Variants in COLEC12 observed in about 807,000 individuals in gnomAD.
The protein encoded by COLEC12 is collectin-12.
COLEC12 carries 33 observed loss-of-function variants against 71.1 expected under a neutral mutation model. The ratio of observed to expected loss-of-function variants is 0.46; its 90% CI spans 0.35 to 0.62. COLEC12 has a LOEUF of 0.62. Among genes scored for constraint, COLEC12 ranks in the 20% least tolerant of loss-of-function variants. The probability of loss-of-function intolerance (pLI) is 0.00; values close to 1 mark genes in which losing one functional copy is unlikely to be tolerated. For synonymous variants in COLEC12, 350 were observed against 353.0 expected (o/e 0.99, Z 0.10); for missense variants, 765 against 916.1 (o/e 0.84, Z 2.13).
chr18:442,683 C>T (rs770848976), intron 2 of COLEC12, among the ~76,000 whole-genome samples: 7 of 152,366 alleles, frequency 4.6e-5, no homozygotes, highest in African/African-American at 7.2e-5. Flanking sequence ...GCAAGTCAGC[C>T]GGGCGCAGTG....
intron 4 of COLEC12, 89 bp from the exon 5 acceptor site, chr18:347,430 G>T: frequency 1.8e-6 from 2 of 1,081,916 alleles, no homozygotes; most frequent in Non-Finnish European, 2.7e-6. Context: ...TAATCGGTAT[G>T]CACTGTATTT....
intron 2 of COLEC12, among the ~76,000 whole-genome samples, chr18:442,214 A>T (rs1916556954): frequency 6.6e-6 from 1 of 152,208 alleles, no homozygotes; most frequent in African/African-American, 2.4e-5. Flanking sequence ...AATAAAGGCT[A>T]CTGTGGCTCT....
chr18:418,855 C>T (rs941075406), intron 2 of COLEC12, among the ~76,000 whole-genome samples: 1 of 152,142 alleles, frequency 6.6e-6, no homozygotes, highest in African/African-American at 2.4e-5. Context: ...ATGCAGTAGC[C>T]ATTCTTTCAT....
At chr18:332,898 C>CCTAGTCACATGCCTCCAT in intron 7 of COLEC12, 109 bp downstream of exon 7, 1 of 996,234 alleles carries the variant, frequency 1.0e-6, no homozygotes, top group Admixed American at 2.7e-5. Flanking sequence ...CCCATGTTTA[C>CCTAGTCACATGCCTCCAT]GTGACTAGGA....
At chr18:413,085 G>T (rs1253780680) in intron 2 of COLEC12, among the ~76,000 whole-genome samples, 1 of 152,164 alleles carries the variant, frequency 6.6e-6, no homozygotes, top group Non-Finnish European at 1.5e-5. Context: ...ATACAGGAAG[G>T]TTGAAAGTAA....
intron 6 of COLEC12, 89 bp from the exon 7 acceptor site, chr18:333,232 G>T (rs1310574613): frequency 1.3e-5 from 14 of 1,115,454 alleles, no homozygotes; most frequent in Middle Eastern, 2.0e-4. Context: ...CCAAAACTGT[G>T]GTCCCGCTGG....
chr18:441,002 A>G (rs1390118439), intron 2 of COLEC12, among the ~76,000 whole-genome samples: 1 of 151,638 alleles, frequency 6.6e-6, no homozygotes, highest in Non-Finnish European at 1.5e-5. Context: ...TAATCCCAGC[A>G]CTTTGGGAGG....
intron 1 of COLEC12, among the ~76,000 whole-genome samples, chr18:486,638 G>A (rs1917523580): frequency 6.6e-6 from 1 of 152,218 alleles, no homozygotes; most frequent in South Asian, 2.1e-4. Context: ...GATGGTGACT[G>A]ACCCGTACAC....
At chr18:443,109 T>C (rs1916577528) in intron 2 of COLEC12, among the ~76,000 whole-genome samples, 1 of 152,268 alleles carries the variant, frequency 6.6e-6, no homozygotes, top group Non-Finnish European at 1.5e-5. Flanking sequence ...TCTATACATA[T>C]ATTAGTTAAT....
At chr18:351,709 AG>A in intron 3 of COLEC12, among the ~76,000 whole-genome samples, 1 of 152,276 alleles carries the variant, frequency 6.6e-6, no homozygotes, top group Non-Finnish European at 1.5e-5. Flanking sequence ...CTGGGATTAC[AG>A]GAGCCTGTTA....
chr18:353,593 C>T (rs1914568194), intron 3 of COLEC12, among the ~76,000 whole-genome samples: 1 of 152,228 alleles, frequency 6.6e-6, no homozygotes, highest in South Asian at 2.1e-4. Flanking sequence ...TACCAAGTAT[C>T]TGCCATGTAG....
Position 500,403 on chromosome 18 carries a change from C to T in COLEC12, c.7+105G>A, listed in dbSNP as rs924334005. The T allele has an allele frequency of 3.2e-5, 26 of 809,892 alleles. No individual in the cohort carries two copies. Among genetic ancestry groups the T allele is most frequent in the Non-Finnish European group, 4.3e-5 (26 of 611,486 alleles). The allele number at this position is 809,892 out of a possible 1,614,324, so 50.2% of individuals were successfully genotyped here. On this transcript the variant is annotated intron_variant, in intron 1 of 9. Coordinates refer to ENST00000400256, the MANE Select transcript of COLEC12 (RefSeq NM_130386.3). The surrounding 1 kb of genome is among the most constrained non-coding windows in gnomAD (Gnocchi z 5.3). The stretch of plus-strand genomic sequence containing the variant: ...CCTGGCAGCCCCGACTCCCCGGGCC[C>T]GCAGCCCAAGGGAAGGTTCGCGCGG...
At chr18:360,231 G>A (rs1055020777) in intron 2 of COLEC12, among the ~76,000 whole-genome samples, 10 of 149,962 alleles carry the variant, frequency 6.7e-5, no homozygotes, top group African/African-American at 2.5e-4. Flanking sequence ...TGCCCAGGCT[G>A]GAGTGCAGTG....
chr18:483,643 T>C (rs1479414694), intron 1 of COLEC12, among the ~76,000 whole-genome samples: 1 of 152,202 alleles, frequency 6.6e-6, no homozygotes, highest in African/African-American at 2.4e-5. Context: ...TCTTTTTCTC[T>C]GATTCAGTGA....
chr18:473,489 G>A (rs1296356735), intron 2 of COLEC12, among the ~76,000 whole-genome samples: 2 of 110,124 alleles, frequency 1.8e-5, no homozygotes, highest in Non-Finnish European at 3.9e-5. Context: ...CAGCCTCCCC[G>A]AGAAGCTGGG....
rs370014077 is a variant in COLEC12 at position 459,456 on chromosome 18, G to C, written c.58+21251C>G. On this transcript the variant is annotated intron_variant, in intron 2 of 9. Coordinates refer to ENST00000400256, the MANE Select transcript of COLEC12 (RefSeq NM_130386.3). ...TGCACAATGTCTGGCACACAGGTAA[G>C]GAATGGATTTATAAGTGACACTGTA... 9.2e-5 allele frequency among the ~76,000 whole-genome samples: 14 copies of C among 152,318 alleles called. No individual in the cohort carries two copies. The South Asian group carries it at 2.9e-3, about 32-fold the overall frequency.
chr18:381,718 G>T (rs1430727634), intron 2 of COLEC12, among the ~76,000 whole-genome samples: 1 of 152,172 alleles, frequency 6.6e-6, no homozygotes, highest in East Asian at 1.9e-4. Context: ...AGGAAAAAAT[G>T]GAAACTTTTA....
At chr18:469,818 T>C (rs1307134847) in intron 2 of COLEC12, among the ~76,000 whole-genome samples, 1 of 152,206 alleles carries the variant, frequency 6.6e-6, no homozygotes, top group African/African-American at 2.4e-5. Context: ...AAGCCTTTGA[T>C]GAGGCCTCAC....
chr18:372,687 G>A (rs1358573425), intron 2 of COLEC12, among the ~76,000 whole-genome samples: 1 of 152,114 alleles, frequency 6.6e-6, no homozygotes, highest in Non-Finnish European at 1.5e-5. Context: ...CAAAGTGCTG[G>A]GATTACAACA....
Sources: allele counts gnomAD v4.1 joint callset (sites outside exome capture counted in the v4.1 genomes callset), GRCh38; gene constraint gnomAD v4.1.1; non-coding constraint Gnocchi (gnomAD v3.1); transcripts MANE v1.5; gene names NCBI Gene and HGNC (gene_info 2026-07-23, HGNC 2026-07-21).